PREX1: variants seen among roughly 807,000 people sequenced by gnomAD.
The protein encoded by PREX1 is phosphatidylinositol 3,4,5-trisphosphate-dependent Rac exchanger 1 protein.
In PREX1, 41 loss-of-function variants were observed where a neutral mutation model predicts 198.3. That is an observed-to-expected ratio of 0.21 (90% CI 0.16 to 0.27). PREX1 has a LOEUF of 0.27. Among genes scored for constraint, PREX1 ranks in the 10% least tolerant of loss-of-function variants. The pLI is 1.00. For synonymous variants in PREX1, 843 were observed against 887.2 expected (o/e 0.95, Z 0.89); for missense variants, 1,620 against 2,200.7 (o/e 0.74, Z 5.28).
chr20:48,761,186 G>A (rs938326663), intron 1 of PREX1, among the ~76,000 whole-genome samples: 1 of 152,224 alleles, frequency 6.6e-6, no homozygotes, highest in Non-Finnish European at 1.5e-5. Flanking sequence ...AACAGCCGGG[G>A]CAAAGGCCCC....
the PREX1 span, among the ~76,000 whole-genome samples, chr20:48,868,428 C>T: frequency 6.6e-6 from 1 of 152,082 alleles, no homozygotes; most frequent in African/African-American, 2.4e-5. Flanking sequence ...AGTGATTCTC[C>T]TGCCTCAGCC....
chr20:48,668,751 G>A (rs1280504991), intron 14 of PREX1, among the ~76,000 whole-genome samples: 3 of 152,176 alleles, frequency 2.0e-5, no homozygotes, highest in East Asian at 1.9e-4. Flanking sequence ...GAGGGCCTGC[G>A]GGTTGGGAAC....
chr20:48,816,420 G>C (rs1322551098), intron 1 of PREX1, among the ~76,000 whole-genome samples: 1 of 152,182 alleles, frequency 6.6e-6, no homozygotes, highest in Non-Finnish European at 1.5e-5. Flanking sequence ...GTAAATGACA[G>C]AGGCGAAGGG....
At chr20:48,855,540 C>A in the PREX1 span, among the ~76,000 whole-genome samples, 14 of 152,218 alleles carry the variant, frequency 9.2e-5, no homozygotes, top group South Asian at 2.5e-3. Flanking sequence ...GACACAGCAC[C>A]GAACAAGGCA....
At chr20:48,882,900 A>C in the PREX1 span, among the ~76,000 whole-genome samples, 1 of 148,806 alleles carries the variant, frequency 6.7e-6, no homozygotes, top group African/African-American at 2.5e-5. Context: ...TGTCTATTCA[A>C]ATTCTTTGTC....
intron 9 of PREX1, among the ~76,000 whole-genome samples, chr20:48,689,539 C>A (rs1304845408): frequency 6.6e-6 from 1 of 152,124 alleles, no homozygotes; most frequent in Non-Finnish European, 1.5e-5. Flanking sequence ...GTGGACAACA[C>A]CCAATTCTAA....
intron 5 of PREX1, among the ~76,000 whole-genome samples, chr20:48,723,410 C>T (rs574403280): frequency 5.3e-5 from 8 of 152,208 alleles, no homozygotes; most frequent in African/African-American, 1.7e-4. Context: ...CCCTGAGCCC[C>T]GGGTGTTTGC....
chr20:48,841,688 A>C, the PREX1 span, among the ~76,000 whole-genome samples: 2 of 152,218 alleles, frequency 1.3e-5, no homozygotes, highest in Non-Finnish European at 2.9e-5. Context: ...GGCAGAGACC[A>C]ATCAGAACCG....
chr20:48,708,859 G>C (rs1027378467), intron 5 of PREX1, among the ~76,000 whole-genome samples: 2 of 152,208 alleles, frequency 1.3e-5, no homozygotes, highest in South Asian at 2.1e-4. Context: ...ATAAACGAGA[G>C]AGAGAAAAAC....
chr20:48,793,211 A>C (rs1568866148), intron 1 of PREX1, among the ~76,000 whole-genome samples: 1 of 152,232 alleles, frequency 6.6e-6, no homozygotes, highest in Non-Finnish European at 1.5e-5. Flanking sequence ...CTCAAAATAA[A>C]TAAATAAATA....
At chr20:48,738,551 C>T (rs1568845284) in intron 3 of PREX1, among the ~76,000 whole-genome samples, 1 of 152,240 alleles carries the variant, frequency 6.6e-6, no homozygotes, top group African/African-American at 2.4e-5. Flanking sequence ...CTCTTGACAG[C>T]TCAGAGTCCA....
chr20:48,812,333 AGG>A (rs2090440008), intron 1 of PREX1, among the ~76,000 whole-genome samples: 1 of 151,598 alleles, frequency 6.6e-6, no homozygotes, highest in South Asian at 2.1e-4. Context: ...ATAACATAAG[AGG>A]AATGGGTAAA....
intron 1 of PREX1, among the ~76,000 whole-genome samples, chr20:48,798,189 G>C (rs1438276490): frequency 1.3e-5 from 2 of 151,454 alleles, no homozygotes; most frequent in East Asian, 1.9e-4. Flanking sequence ...AGGTTGTATG[G>C]GTCAAGGTCT....
intron 32 of PREX1, 79 bp from the exon 33 acceptor site, chr20:48,634,854 C>T: frequency 7.9e-7 from 1 of 1,263,346 alleles, no homozygotes; most frequent in Non-Finnish European, 1.1e-6. Flanking sequence ...CTGAATTCAA[C>T]TCTAGTCGGC....
At chr20:48,673,867 C>G (rs1380000486) in intron 14 of PREX1, among the ~76,000 whole-genome samples, 2 of 152,194 alleles carry the variant, frequency 1.3e-5, no homozygotes, top group African/African-American at 4.8e-5. Context: ...ATGTCAGGCA[C>G]CATTCTAAGC....
At chr20:48,803,442 G>A (rs1462547045) in intron 1 of PREX1, among the ~76,000 whole-genome samples, 1 of 152,154 alleles carries the variant, frequency 6.6e-6, no homozygotes, top group East Asian at 1.9e-4. Context: ...TTGTGATAAA[G>A]GGAAGGGGAA....
chr20:48,731,301 A>G (rs1459598609), intron 4 of PREX1, among the ~76,000 whole-genome samples: 2 of 152,088 alleles, frequency 1.3e-5, no homozygotes, highest in African/African-American at 4.8e-5. Context: ...CCAAAGACCA[A>G]TCTAAAACAG....
At chr20:48,763,565 T>A (rs1390328485) in intron 1 of PREX1, among the ~76,000 whole-genome samples, 1 of 152,204 alleles carries the variant, frequency 6.6e-6, no homozygotes, top group African/African-American at 2.4e-5. Flanking sequence ...TTTTCCTCAG[T>A]CCAACTATTT....
In PREX1 at chr20:48,645,855, A is replaced by T; in HGVS notation, c.3508T>A (p.Tyr1170Asn). The T allele has an allele frequency of 6.2e-7, 1 of 1,614,028 alleles. No homozygotes were observed. The highest frequency in any genetic ancestry group is 8.5e-7 in the Non-Finnish European group (1 of 1,179,976). ...CCCCCTGACGGTGACACCCACCTGTAGGAGTCGCGATAACTCATGGTGTCG... is the reference window on the plus strand; with the variant it reads ...CCCCCTGACGGTGACACCCACCTGTTGGAGTCGCGATAACTCATGGTGTCG... ...GHDTMSYRDS[Y>N]SECNSNRDSV... The change falls in exon 26 of 40, where the codon TAC (tyrosine) becomes AAC (asparagine). Residue 1170 changes from tyrosine (Y) to asparagine (N), a missense_variant. Physicochemically the swap from Tyr to Asn is moderately radical, Grantham distance 143. This residue lies in a region of PREX1 where 29 missense variants were observed against 26.1 expected (regional missense o/e 1.11). Coordinates refer to ENST00000371941, the MANE Select transcript of PREX1 (RefSeq NM_020820.4).
Sources: allele counts gnomAD v4.1 joint callset (sites outside exome capture counted in the v4.1 genomes callset), GRCh38; gene constraint gnomAD v4.1.1; regional missense constraint gnomAD v4.1.1; transcripts MANE v1.5; gene names NCBI Gene and HGNC (gene_info 2026-07-23, HGNC 2026-07-21).